Variants in ZFHX3 observed in about 807,000 individuals in gnomAD.
ZFHX3 encodes zinc finger homeobox 3.
A neutral mutation model predicts 279.1 loss-of-function variants in ZFHX3; 42 were observed. That is an observed-to-expected ratio of 0.15 (90% CI 0.12 to 0.19). The LOEUF (loss-of-function observed/expected upper bound fraction) is 0.19, where lower values mean the gene tolerates loss of function less well. ZFHX3 is among the 10% of genes least tolerant of loss of function. The probability of loss-of-function intolerance (pLI) is 1.00; values close to 1 mark genes in which losing one functional copy is unlikely to be tolerated. For synonymous variants in ZFHX3, 2,293 were observed against 1,957.8 expected, an observed-to-expected ratio of 1.17 and a Z score of -4.52; for missense variants, 4,981 against 4,754.0, an observed-to-expected ratio of 1.05 and a Z score of -1.40.
At chr16:73,043,303 G>C (rs1187385126) in intron 1 of ZFHX3, among the ~76,000 whole-genome samples, 1 of 152,208 alleles carries the variant, frequency 6.6e-6, no homozygotes, top group South Asian at 2.1e-4. Flanking sequence ...CTGATGGACA[G>C]GGAGAGGGGG....
At chr16:73,679,813 G>C (rs1041118200) in intron 2 of ZFHX3, 4 of 152,140 alleles carry the variant, frequency 2.6e-5, no homozygotes, top group African/African-American at 9.7e-5. Flanking sequence ...CAAAGCTCAT[G>C]ACTTACACAG....
intron 1 of ZFHX3, among the ~76,000 whole-genome samples, chr16:73,859,361 C>A (rs1331543856): frequency 6.6e-6 from 1 of 152,210 alleles, no homozygotes; most frequent in African/African-American, 2.4e-5. Context: ...CCATTTCAAA[C>A]CTCTAATGTG....
chr16:73,854,387 C>T (rs1961667102), intron 1 of ZFHX3, among the ~76,000 whole-genome samples: 1 of 151,866 alleles, frequency 6.6e-6, no homozygotes, highest in Non-Finnish European at 1.5e-5. Flanking sequence ...ATTAGCTGGG[C>T]GTGGTAGGAG....
intron 2 of ZFHX3, among the ~76,000 whole-genome samples, chr16:73,478,764 A>C (rs1819732639): frequency 6.6e-6 from 1 of 152,154 alleles, no homozygotes; most frequent in Admixed American, 6.5e-5. Flanking sequence ...GATAAAACCC[A>C]GACTCAAGCT....
chr16:73,691,192 A>G (rs555243766), intron 1 of ZFHX3, among the ~76,000 whole-genome samples: 1 of 152,328 alleles, frequency 6.6e-6, no homozygotes, highest in South Asian at 2.1e-4. Flanking sequence ...AGTGTTTTCT[A>G]AAGACAGTCC....
intron 1 of ZFHX3, among the ~76,000 whole-genome samples, chr16:73,851,246 G>A (rs1407744746): frequency 6.6e-6 from 1 of 152,060 alleles, no homozygotes; most frequent in Non-Finnish European, 1.5e-5. Context: ...CAGCACATAA[G>A]AGAATCAAGA....
chr16:73,536,245 G>C lies in ZFHX3; in HGVS notation c.-1546-79987C>G, dbSNP rs920614745. ...CTACATAATAAGTGCATTTATGTAA[G>C]TCTAAAACATTTTCAAAATATAAAG... On this transcript the variant is annotated intron_variant, in intron 2 of 17. Transcript: ENST00000641206. Among the ~76,000 whole-genome samples, 2 of 152,138 alleles carry C rather than the reference G, an allele frequency of 1.3e-5. 1 individual carries two copies. Among genetic ancestry groups the C allele is most frequent in the South Asian group, 4.1e-4 (2 of 4,820 alleles).
chr16:73,489,397 T>C (rs77947045), intron 2 of ZFHX3, among the ~76,000 whole-genome samples: 20,394 of 152,212 alleles, frequency 0.13, 1,731 homozygotes, highest in South Asian at 0.22. Flanking sequence ...AACGTAGAAA[T>C]GATTCCATAG....
intron 2 of ZFHX3, among the ~76,000 whole-genome samples, chr16:73,672,499 T>G (rs1258147691): frequency 6.6e-6 from 1 of 152,160 alleles, no homozygotes; most frequent in Non-Finnish European, 1.5e-5. Flanking sequence ...TTTTTGGGCC[T>G]TATATTGGCC....
intron 1 of ZFHX3, among the ~76,000 whole-genome samples, chr16:73,845,599 C>T (rs1419368161): frequency 1.3e-5 from 2 of 151,942 alleles, no homozygotes; most frequent in Non-Finnish European, 2.9e-5. Context: ...CAATCAATTC[C>T]GAGTCAGCAG....
At chr16:73,537,055 T>C (rs2019914477) in intron 2 of ZFHX3, among the ~76,000 whole-genome samples, 1 of 152,142 alleles carries the variant, frequency 6.6e-6, no homozygotes, top group African/African-American at 2.4e-5. Flanking sequence ...CAGCAATAAG[T>C]TATCTATTTC....
At chr16:73,222,044 CT>C (rs999737444) in intron 5 of ZFHX3, among the ~76,000 whole-genome samples, 3 of 151,944 alleles carry the variant, frequency 2.0e-5, no homozygotes, top group Admixed American at 6.6e-5. Flanking sequence ...ATGATGAACT[CT>C]TTTTTTCACA....
chr16:73,718,931 C>CA (rs2053445695), intron 1 of ZFHX3, among the ~76,000 whole-genome samples: 1 of 152,084 alleles, frequency 6.6e-6, no homozygotes, highest in African/African-American at 2.4e-5. Context: ...TGTTTAAAAA[C>CA]AAAAACCAGC....
chr16:73,850,823 C>T lies in ZFHX3; in HGVS notation c.-1608+40828G>A, dbSNP rs567361526. Among the ~76,000 whole-genome samples the T allele has an allele frequency of 2.0e-5, 3 of 152,248 alleles. No homozygotes were observed. The South Asian group carries it at 6.2e-4, about 32-fold the overall frequency. The stretch of plus-strand genomic sequence containing the variant: ...GGCTGCAGACATGAGCAGCTGCTTC[C>T]TCAGGGTGAAGGGTACCTAACCAGT... On this transcript the variant is annotated intron_variant, in intron 1 of 17. Coordinates refer to the ZFHX3 transcript ENST00000641206.
intron 3 of ZFHX3, among the ~76,000 whole-genome samples, chr16:73,328,552 T>A (rs948778349): frequency 3.3e-5 from 5 of 152,192 alleles, no homozygotes. Context: ...AGAAGCCCCA[T>A]AACTTGCCTA....
intron 1 of ZFHX3, among the ~76,000 whole-genome samples, chr16:73,772,678 C>T (rs928819434): frequency 2.0e-5 from 3 of 152,180 alleles, no homozygotes; most frequent in African/African-American, 7.2e-5. Context: ...GTATTTAGCA[C>T]AACTGCATCT....
intron 7 of ZFHX3, chr16:73,127,248 G>T: frequency 2.9e-6 from 3 of 1,041,702 alleles, no homozygotes; most frequent in Non-Finnish European, 2.6e-6. Flanking sequence ...ATCGATCAGA[G>T]CTAAAGGCTG....
intron 7 of ZFHX3, among the ~76,000 whole-genome samples, chr16:73,094,348 T>A (rs1344142559): frequency 1.3e-5 from 2 of 152,252 alleles, no homozygotes; most frequent in East Asian, 3.8e-4. Flanking sequence ...GCTGGTCCTG[T>A]AAACCTTCTC....
intron 2 of ZFHX3, among the ~76,000 whole-genome samples, chr16:73,646,665 T>G (rs919031353): frequency 6.6e-6 from 1 of 152,180 alleles, no homozygotes; most frequent in African/African-American, 2.4e-5. Flanking sequence ...ACAAGGTACT[T>G]GAAAGAAGTA....
Sources: allele counts gnomAD v4.1 joint callset (sites outside exome capture counted in the v4.1 genomes callset), GRCh38; gene constraint gnomAD v4.1.1; transcripts MANE v1.5; gene names NCBI Gene and HGNC (gene_info 2026-07-23, HGNC 2026-07-21).